The following KCNK10 variants were observed in gnomAD, a reference collection of about 807,000 sequenced individuals.
KCNK10 encodes potassium channel subfamily K member 10.
In KCNK10, 25 loss-of-function variants were observed where a neutral mutation model predicts 47.7. The observed-to-expected ratio is 0.52, with a 90% CI of 0.38 to 0.73. The LOEUF (loss-of-function observed/expected upper bound fraction) is 0.73, where lower values mean the gene tolerates loss of function less well. Ranked by LOEUF, KCNK10 falls within the 30% of genes least tolerant of loss-of-function variation. The probability of loss-of-function intolerance (pLI) is 0.00; values close to 1 mark genes in which losing one functional copy is unlikely to be tolerated. For synonymous variants in KCNK10, 303 were observed against 285.6 expected (o/e 1.06, Z -0.61); for missense variants, 563 against 714.5 (o/e 0.79, Z 2.42).
chr14:88,275,333 G>A (rs1887504263), intron 1 of KCNK10, among the ~76,000 whole-genome samples: 2 of 151,998 alleles, frequency 1.3e-5, no homozygotes, highest in South Asian at 4.2e-4. Context: ...TTCTCTCTGG[G>A]TCCTGTTTCC....
chr14:88,205,792 T>G (rs1048138426), intron 4 of KCNK10, among the ~76,000 whole-genome samples: 1 of 152,156 alleles, frequency 6.6e-6, no homozygotes, highest in Non-Finnish European at 1.5e-5. Flanking sequence ...TCCGCCCACA[T>G]TGGCCTCACA....
Position 88,322,805 on chromosome 14 carries a change from G to C in KCNK10, c.-7C>G, listed in dbSNP as rs531109718. The C allele has an allele frequency of 4.8e-5, 78 of 1,614,128 alleles. No homozygotes were observed. In the South Asian group the frequency reaches 7.2e-4, roughly 15 times the overall value. ...TCTCGATTGGAAATTTCATTGCTTC[G>C]TTGCCCAGAAGGGGAAGAAATGAAA... On this transcript the variant is annotated 5_prime_UTR_variant, in exon 1 of 7. Coordinates refer to ENST00000319231, the MANE Select transcript of KCNK10 (RefSeq NM_138317.3). The surrounding 1 kb of genome is among the most constrained non-coding windows in gnomAD (Gnocchi z 4.8).
chr14:88,299,387 C>T (rs977973759), intron 1 of KCNK10, among the ~76,000 whole-genome samples: 6 of 152,226 alleles, frequency 3.9e-5, no homozygotes, highest in Non-Finnish European at 8.8e-5. Flanking sequence ...GTGTGCCATT[C>T]TCTCTCTGCT....
At chr14:88,304,555 G>A (rs1431956011) in intron 1 of KCNK10, among the ~76,000 whole-genome samples, 1 of 152,218 alleles carries the variant, frequency 6.6e-6, no homozygotes, top group Non-Finnish European at 1.5e-5. Flanking sequence ...GTCCTCAGCT[G>A]AGGTTGAACA....
chr14:88,257,490 C>T (rs907831109), intron 2 of KCNK10, among the ~76,000 whole-genome samples: 5 of 152,376 alleles, frequency 3.3e-5, no homozygotes, highest in Middle Eastern at 6.8e-3. Context: ...CACATGCCAG[C>T]CATTGGGATA....
intron 2 of KCNK10, 61 bp from the exon 3 acceptor site, chr14:88,240,881 C>CAA (rs3837636): frequency 3.0e-4 from 238 of 784,290 alleles, no homozygotes; most frequent in Non-Finnish European, 3.6e-4. Context: ...TTTTTTTCTT[C>CAA]AAAAAAAAAA....
intron 3 of KCNK10, among the ~76,000 whole-genome samples, chr14:88,236,453 G>A (rs1170814833): frequency 1.3e-5 from 2 of 152,200 alleles, no homozygotes; most frequent in Non-Finnish European, 2.9e-5. Flanking sequence ...CCATTCTTAA[G>A]GCAACTACTT....
Position 88,183,784 on chromosome 14 carries a change from G to A in KCNK10, c.*1751C>T, listed in dbSNP as rs973305757. The A allele has an allele frequency of 6.6e-6, 1 of 152,394 alleles. No individual in the cohort carries two copies. Among genetic ancestry groups the A allele is most frequent in the Non-Finnish European group, 1.5e-5 (1 of 68,072 alleles). 9.4% of individuals were successfully genotyped at this position (152,394 alleles called of 1,614,324 possible). On this transcript the variant is annotated 3_prime_UTR_variant, in exon 7 of 7. Coordinates refer to ENST00000319231, the MANE Select transcript of KCNK10 (RefSeq NM_138317.3). Reference sequence around the variant, plus strand: ...TGTGCATTTTTGAGAAATGGGCAGGGACAGGTCTTCCATGGTACCAGTGGT... The same window carrying A: ...TGTGCATTTTTGAGAAATGGGCAGGAACAGGTCTTCCATGGTACCAGTGGT...
At chr14:88,204,746 C>G (rs1406886081) in intron 4 of KCNK10, among the ~76,000 whole-genome samples, 2 of 152,074 alleles carry the variant, frequency 1.3e-5, no homozygotes, top group Non-Finnish European at 2.9e-5. Flanking sequence ...TTTTTTAGAA[C>G]CATTTTTGCT....
intron 4 of KCNK10, among the ~76,000 whole-genome samples, chr14:88,211,220 A>C (rs1195032573): frequency 6.6e-6 from 1 of 152,242 alleles, no homozygotes; most frequent in Non-Finnish European, 1.5e-5. Flanking sequence ...ATGAAGCCTT[A>C]AAGACACTGT....
intron 6 of KCNK10, among the ~76,000 whole-genome samples, chr14:88,187,232 A>C (rs1884594736): frequency 6.6e-6 from 1 of 152,178 alleles, no homozygotes; most frequent in Non-Finnish European, 1.5e-5. Flanking sequence ...TGAAGCAAAC[A>C]GAGGCTGGCC....
intron 2 of KCNK10, among the ~76,000 whole-genome samples, chr14:88,256,426 G>A (rs1886957087): frequency 6.6e-6 from 1 of 152,288 alleles, no homozygotes; most frequent in South Asian, 2.1e-4. Flanking sequence ...AGCGGGGAGA[G>A]AGATCAGTGG....
intron 1 of KCNK10, among the ~76,000 whole-genome samples, chr14:88,285,198 G>A (rs1887734035): frequency 6.6e-6 from 1 of 152,186 alleles, no homozygotes; most frequent in African/African-American, 2.4e-5. Context: ...TGCAACCTCT[G>A]CCTCCCGGAT....
chr14:88,289,812 T>A (rs1275943532), intron 1 of KCNK10, among the ~76,000 whole-genome samples: 2 of 152,212 alleles, frequency 1.3e-5, no homozygotes, highest in African/African-American at 2.4e-5. Flanking sequence ...ATGGTGAGAT[T>A]TCAGCAAGAT....
chr14:88,302,896 G>C (rs1292093618), intron 1 of KCNK10, among the ~76,000 whole-genome samples: 1 of 152,086 alleles, frequency 6.6e-6, no homozygotes, highest in Non-Finnish European at 1.5e-5. Context: ...TCCTTTAACA[G>C]ATCCAATTTT....
At chr14:88,286,693 C>T (rs1887768255) in intron 1 of KCNK10, among the ~76,000 whole-genome samples, 1 of 152,168 alleles carries the variant, frequency 6.6e-6, no homozygotes. Flanking sequence ...TTCTTGGCAG[C>T]AGGCAAGAGA....
chr14:88,224,885 C>T (rs944988303), intron 4 of KCNK10, among the ~76,000 whole-genome samples: 1 of 152,326 alleles, frequency 6.6e-6, no homozygotes, highest in African/African-American at 2.4e-5. Context: ...GCTAGGATTA[C>T]AGGTGTGAGC....
At chr14:88,188,287 C>G (rs1232461543) in intron 5 of KCNK10, among the ~76,000 whole-genome samples, 178 bp from the exon 6 acceptor site, 1 of 150,446 alleles carries the variant, frequency 6.6e-6, no homozygotes, top group Non-Finnish European at 1.5e-5. Flanking sequence ...ATCCCTTACC[C>G]AAAAAAGCCT....
In KCNK10 at chr14:88,240,781, C is replaced by T. The variant is rs1260893894; in HGVS notation, c.442G>A (p.Gly148Arg). The T allele has an allele frequency of 6.2e-7, 1 of 1,613,484 alleles. No homozygotes were observed. The stretch of plus-strand genomic sequence containing the variant: ...TGGCTGCTGTTGTTGGAAGAGTTTC[C>T]TATTGGACTGACTCCCGCATTGTCA... ...DADNAGVSPI[G>R]NSSNNSSHWD... is the part of the protein sequence containing the mutation. The change falls in exon 3 of 7, where the codon GGA (glycine) becomes AGA (arginine). Residue 148 changes from glycine to arginine, a missense_variant. Physicochemically the swap from Gly to Arg is moderately radical, Grantham distance 125. Coordinates refer to ENST00000319231, the MANE Select transcript of KCNK10 (RefSeq NM_138317.3).
Sources: allele counts gnomAD v4.1 joint callset (sites outside exome capture counted in the v4.1 genomes callset), GRCh38; gene constraint gnomAD v4.1.1; non-coding constraint Gnocchi (gnomAD v3.1); transcripts MANE v1.5; gene names NCBI Gene and HGNC (gene_info 2026-07-23, HGNC 2026-07-21).